Variants in ZMYND8 observed in about 807,000 individuals in gnomAD.
ZMYND8 encodes the protein zinc finger MYND-type containing 8, also known as MYND-type zinc finger-containing chromatin reader ZMYND8.
In ZMYND8, 37 loss-of-function variants were observed where a neutral mutation model predicts 140.8. That is an observed-to-expected ratio of 0.26 (90% CI 0.20 to 0.35). The LOEUF is 0.35. Ranked by LOEUF, ZMYND8 falls within the 10% of genes least tolerant of loss-of-function variation. The pLI is 1.00. For synonymous variants in ZMYND8, 592 were observed against 597.1 expected (o/e 0.99, Z 0.12); for missense variants, 1,068 against 1,570.0 (o/e 0.68, Z 5.40).
chr20:47,349,792 CTG>C (rs1471788156), intron 1 of ZMYND8: 1 of 1,528,648 alleles, frequency 6.5e-7, no homozygotes, highest in Non-Finnish European at 8.8e-7. Context: ...AAACGCTAAT[CTG>C]TGATCCAACT....
At chr20:47,296,123 T>C (rs1201218099) in intron 4 of ZMYND8, among the ~76,000 whole-genome samples, 1 of 152,148 alleles carries the variant, frequency 6.6e-6, no homozygotes, top group Non-Finnish European at 1.5e-5. Context: ...CCGTAACAAC[T>C]CATCCCTGGA....
chr20:47,303,671 G>A (rs1020232919), intron 3 of ZMYND8, among the ~76,000 whole-genome samples: 8 of 152,076 alleles, frequency 5.3e-5, no homozygotes, highest in African/African-American at 1.9e-4. Context: ...ACTCCAGCCT[G>A]TGTAACAGAG....
intron 11 of ZMYND8, among the ~76,000 whole-genome samples, chr20:47,265,194 T>G (rs1263165592): frequency 6.6e-6 from 1 of 152,048 alleles, no homozygotes; most frequent in Non-Finnish European, 1.5e-5. Context: ...TGTAATAGAT[T>G]CCCCTTGAGG....
At chr20:47,254,753 G>A (rs534682558) in intron 12 of ZMYND8, among the ~76,000 whole-genome samples, 8 of 152,188 alleles carry the variant, frequency 5.3e-5, no homozygotes, top group South Asian at 2.1e-4. Context: ...GGGCTGTCCC[G>A]TGTGTTGTAG....
chr20:47,271,835 C>T (rs926044910), intron 11 of ZMYND8, among the ~76,000 whole-genome samples: 13 of 152,094 alleles, frequency 8.5e-5, no homozygotes, highest in African/African-American at 3.1e-4. Context: ...GCGTGTGCCA[C>T]CACGCCTGGC....
chr20:47,283,442 C>A, intron 9 of ZMYND8, 129 bp downstream of exon 9: 1 of 913,596 alleles, frequency 1.1e-6, no homozygotes, highest in South Asian at 1.6e-5. Flanking sequence ...ATAATTTTAT[C>A]AGCAAAAAAT....
rs747619821 is a variant in ZMYND8 at position 47,290,251 on chromosome 20, G to C, written c.684C>G (p.Gly228=). Residue 228 remains glycine (G), a synonymous_variant, in exon 7 of 23, where the codon GGC becomes GGG. Transcript: ENST00000471951. ...LEKNAKKKMY[G]CTEAFLADAK... ...CATCAGCCAGGAAGGCTTCTGTGCA[G>C]CCATACATTTTCTTTTTCGCATTCT... The C allele has an allele frequency of 1.2e-6, 2 of 1,613,274 alleles. No homozygotes were observed. The highest frequency in any genetic ancestry group is 1.7e-6 in the Non-Finnish European group (2 of 1,179,746).
intron 12 of ZMYND8, among the ~76,000 whole-genome samples, chr20:47,252,843 C>A (rs541965830): frequency 1.2e-4 from 18 of 152,098 alleles, no homozygotes; most frequent in Non-Finnish European, 5.9e-5. Context: ...CGCTTGAGCC[C>A]AGGAGGCAGA....
intron 11 of ZMYND8, among the ~76,000 whole-genome samples, chr20:47,263,910 G>T (rs755410932): frequency 1.3e-5 from 2 of 152,174 alleles, no homozygotes; most frequent in Non-Finnish European, 2.9e-5. Context: ...AGGGCTTTGG[G>T]GTTATCCTCT....
At chr20:47,350,046 A>C in intron 1 of ZMYND8, 1 of 1,441,628 alleles carries the variant, frequency 6.9e-7, no homozygotes, top group Non-Finnish European at 9.1e-7. Flanking sequence ...TCTGAGTTTT[A>C]AGATAATCAA....
intron 2 of ZMYND8, chr20:47,318,707 G>C: frequency 2.2e-6 from 1 of 457,618 alleles, no homozygotes; most frequent in Non-Finnish European, 4.4e-6. Context: ...GGGCCTGCCA[G>C]AGCTGCCGGG....
chr20:47,339,856 A>G (rs1329104143), intron 2 of ZMYND8, among the ~76,000 whole-genome samples: 1 of 152,090 alleles, frequency 6.6e-6, no homozygotes. Flanking sequence ...TATCATCCCC[A>G]TTTACAAAAG....
intron 2 of ZMYND8, among the ~76,000 whole-genome samples, chr20:47,333,608 C>T (rs2081130986): frequency 6.6e-6 from 1 of 151,908 alleles, no homozygotes; most frequent in Non-Finnish European, 1.5e-5. Flanking sequence ...TGCCTGTAGT[C>T]CCAGCTCCTC....
At chr20:47,351,901 C>A in intron 1 of ZMYND8, 3 of 985,314 alleles carry the variant, frequency 3.0e-6, no homozygotes, top group Non-Finnish European at 3.6e-6. Flanking sequence ...AAAAGCTGAA[C>A]CAAAGGACAC....
chr20:47,321,957 C>T (rs533084633), intron 2 of ZMYND8, among the ~76,000 whole-genome samples: 8 of 150,178 alleles, frequency 5.3e-5, no homozygotes, highest in Non-Finnish European at 1.0e-4. Flanking sequence ...GCCTCCCAGG[C>T]TCAGGAGATC....
intron 2 of ZMYND8, among the ~76,000 whole-genome samples, chr20:47,330,766 C>T (rs1406244968): frequency 6.6e-6 from 1 of 152,128 alleles, no homozygotes; most frequent in African/African-American, 2.4e-5. Context: ...CCTCTCTCGC[C>T]GAAAGGCTGC....
chr20:47,219,055 A>ATTTTTTTT (rs3092175), intron 21 of ZMYND8, among the ~76,000 whole-genome samples: 1,486 of 110,838 alleles, frequency 0.013, 65 homozygotes, highest in African/African-American at 0.043. Context: ...CGTTTCTACA[A>ATTTTTTTT]TTTTTTTTTT....
At chr20:47,280,905 T>C (rs1385314015) in intron 10 of ZMYND8, among the ~76,000 whole-genome samples, 3 of 152,102 alleles carry the variant, frequency 2.0e-5, no homozygotes, top group African/African-American at 7.2e-5. Context: ...CCTCCCGACC[T>C]CTGCTCTTCC....
chr20:47,232,917 T>G (rs545086716), intron 16 of ZMYND8, among the ~76,000 whole-genome samples: 3 of 149,942 alleles, frequency 2.0e-5, no homozygotes, highest in South Asian at 4.2e-4. Context: ...TTTTTTTTTT[T>G]TTTTGAGACA....
Sources: allele counts gnomAD v4.1 joint callset (sites outside exome capture counted in the v4.1 genomes callset), GRCh38; gene constraint gnomAD v4.1.1; transcripts MANE v1.5; gene names NCBI Gene and HGNC (gene_info 2026-07-23, HGNC 2026-07-21).